The following PRKG1 variants were observed in gnomAD, a reference collection of about 807,000 sequenced individuals.
PRKG1 encodes protein kinase cGMP-dependent 1, also known as cGMP-dependent protein kinase 1.
PRKG1 carries 35 observed loss-of-function variants against 88.1 expected under a neutral mutation model. That is an observed-to-expected ratio of 0.40 (90% CI 0.30 to 0.53). PRKG1 has a LOEUF of 0.53. Ranked by LOEUF, PRKG1 falls within the 20% of genes least tolerant of loss-of-function variation. PRKG1 has a pLI of 0.59. For synonymous variants in PRKG1, 303 were observed against 292.5 expected, an observed-to-expected ratio of 1.04 and a Z score of -0.37; for missense variants, 540 against 839.8, an observed-to-expected ratio of 0.64 and a Z score of 4.41.
intron 9 of PRKG1, among the ~76,000 whole-genome samples, chr10:52,185,606 G>T (rs1043711441): frequency 6.6e-6 from 1 of 152,166 alleles, no homozygotes; most frequent in African/African-American, 2.4e-5. Context: ...GCTTCAACCT[G>T]ATATTTACCC....
chr10:51,388,653 C>T (rs1274941440), intron 2 of PRKG1, among the ~76,000 whole-genome samples: 9 of 152,136 alleles, frequency 5.9e-5, no homozygotes, highest in Admixed American at 1.3e-4. Context: ...TAACACTCAA[C>T]GATGCCTCTA....
At chr10:51,988,355 C>T (rs1844216989) in intron 5 of PRKG1, among the ~76,000 whole-genome samples, 1 of 151,938 alleles carries the variant, frequency 6.6e-6, no homozygotes, top group South Asian at 2.1e-4. Flanking sequence ...GTTTATTTCA[C>T]TAAGATAAAT....
chr10:51,129,175 C>T (rs977346163), intron 1 of PRKG1, among the ~76,000 whole-genome samples: 2 of 152,044 alleles, frequency 1.3e-5, no homozygotes, highest in Non-Finnish European at 2.9e-5. Context: ...CAGGAAAACA[C>T]AATAGAAGAC....
chr10:52,223,290 C>A (rs749846961), intron 9 of PRKG1, among the ~76,000 whole-genome samples: 1 of 152,064 alleles, frequency 6.6e-6, no homozygotes, highest in East Asian at 1.9e-4. Flanking sequence ...TCACTAGTGA[C>A]CTCCGACTTC....
intron 3 of PRKG1, chr10:51,698,510 C>G (rs779089852): frequency 6.2e-7 from 1 of 1,614,162 alleles, no homozygotes. Context: ...CTCCACTTCT[C>G]CAGTGACTGA....
At chr10:52,282,407 A>C (rs1842021162) in intron 14 of PRKG1, 91 bp downstream of exon 14, 3 of 1,241,008 alleles carry the variant, frequency 2.4e-6, no homozygotes, top group East Asian at 2.5e-5. Context: ...ACCATCTTAA[A>C]GTACTTTTCA....
chr10:51,734,794 T>C (rs1246422386), intron 3 of PRKG1, among the ~76,000 whole-genome samples: 1 of 152,142 alleles, frequency 6.6e-6, no homozygotes, highest in African/African-American at 2.4e-5. Context: ...TCAATAGTAA[T>C]TTAAAAGGAG....
intron 14 of PRKG1, among the ~76,000 whole-genome samples, chr10:52,283,723 A>G (rs1429292857): frequency 6.6e-6 from 1 of 152,124 alleles, no homozygotes; most frequent in African/African-American, 2.4e-5. Context: ...CTGTAAAGAT[A>G]TGAAAAATTT....
intron 1 of PRKG1, among the ~76,000 whole-genome samples, chr10:51,024,235 G>C (rs1211123739): frequency 6.6e-6 from 1 of 152,100 alleles, no homozygotes. Flanking sequence ...TTTTCCATGA[G>C]TTCTTAACTA....
chr10:51,573,191 C>T (rs899422559), intron 3 of PRKG1, among the ~76,000 whole-genome samples: 43 of 151,754 alleles, frequency 2.8e-4, no homozygotes, highest in African/African-American at 1.0e-3. Flanking sequence ...TAACAAAGAA[C>T]TGCAAAGGCT....
intron 9 of PRKG1, among the ~76,000 whole-genome samples, chr10:52,189,683 A>T (rs1348332912): frequency 1.3e-5 from 2 of 152,192 alleles, no homozygotes; most frequent in African/African-American, 4.8e-5. Context: ...CCCTGATGCC[A>T]AAAAGGTTGG....
intron 3 of PRKG1, among the ~76,000 whole-genome samples, chr10:51,507,712 C>G (rs1409431967): frequency 6.6e-6 from 1 of 152,082 alleles, no homozygotes; most frequent in Non-Finnish European, 1.5e-5. Context: ...CACCCCAGTA[C>G]TCTCCACACA....
At chr10:52,283,457 G>A (rs564241133) in intron 14 of PRKG1, among the ~76,000 whole-genome samples, 49 of 152,224 alleles carry the variant, frequency 3.2e-4, no homozygotes, top group Non-Finnish European at 5.6e-4. Flanking sequence ...ACTTAGAAGA[G>A]TGTTTCGCAC....
intron 17 of PRKG1, among the ~76,000 whole-genome samples, chr10:52,293,510 T>C (rs1842315658): frequency 2.0e-5 from 3 of 152,176 alleles, no homozygotes; most frequent in South Asian, 2.1e-4. Flanking sequence ...ATCACTCTTA[T>C]ACTTTCATGG....
intron 5 of PRKG1, among the ~76,000 whole-genome samples, chr10:52,013,734 T>C (rs1266734128): frequency 6.6e-6 from 1 of 152,202 alleles, no homozygotes; most frequent in East Asian, 1.9e-4. Context: ...TGGGGACCCC[T>C]TGATGAATTT....
intron 10 of PRKG1, among the ~76,000 whole-genome samples, chr10:52,260,189 G>T (rs1036467096): frequency 6.6e-6 from 1 of 151,846 alleles, no homozygotes; most frequent in Non-Finnish European, 1.5e-5. Flanking sequence ...TAGCTTTAGG[G>T]GGTACAAATG....
At chr10:51,497,313 C>T (rs1334830517) in intron 3 of PRKG1, among the ~76,000 whole-genome samples, 4 of 152,048 alleles carry the variant, frequency 2.6e-5, no homozygotes, top group South Asian at 2.1e-4. Context: ...ATACTTTTCC[C>T]GTGAATCATC....
chr10:51,625,900 CCCCA>C (rs1338278053), intron 3 of PRKG1, among the ~76,000 whole-genome samples: 46 of 152,184 alleles, frequency 3.0e-4, no homozygotes, highest in Admixed American at 3.0e-3. Flanking sequence ...TTACACTTCT[CCCCA>C]TGTATATTCT....
rs142625626 is a variant in PRKG1 at position 51,342,452 on chromosome 10, T to C, written c.479-125271T>C. On this transcript the variant is annotated intron_variant, in intron 2 of 17. Coordinates refer to ENST00000373980, the MANE Select transcript of PRKG1 (RefSeq NM_006258.4). Reference sequence around the variant, plus strand: ...TTCTAAGAGACACAGAATTAAAACATAGAGAAACAAGAACTATTTTTAAGT... The same window carrying C: ...TTCTAAGAGACACAGAATTAAAACACAGAGAAACAAGAACTATTTTTAAGT... 4.8e-3 allele frequency among the ~76,000 whole-genome samples: 736 copies of C among 152,172 alleles called. 5 individuals carry two copies. The highest frequency in any genetic ancestry group is 0.016 in the African/African-American group (671 of 41,518).
Sources: gnomAD v4.1 joint callset for allele counts (sites outside exome capture counted in the v4.1 genomes callset) on GRCh38, gnomAD v4.1.1 for gene constraint, MANE v1.5 for transcripts, NCBI Gene and HGNC (gene_info 2026-07-23, HGNC 2026-07-21) for gene names.